The following POLD3 variants were observed in gnomAD, a reference collection of about 807,000 sequenced individuals.
POLD3 encodes the protein DNA polymerase delta subunit 3.
In POLD3, 19 loss-of-function variants were observed where a neutral mutation model predicts 58.2. The ratio of observed to expected loss-of-function variants is 0.33; its 90% CI spans 0.23 to 0.48. The LOEUF (loss-of-function observed/expected upper bound fraction) is 0.48, where lower values mean the gene tolerates loss of function less well. Among genes scored for constraint, POLD3 ranks in the 20% least tolerant of loss-of-function variants. The probability of loss-of-function intolerance (pLI) is 0.99; values close to 1 mark genes in which losing one functional copy is unlikely to be tolerated. For synonymous variants in POLD3, 172 were observed against 193.5 expected (o/e 0.89, Z 0.92); for missense variants, 504 against 545.5 (o/e 0.92, Z 0.76).
intron 10 of POLD3, 75 bp from the exon 11 acceptor site, chr11:74,636,122 A>C: frequency 7.3e-7 from 1 of 1,372,534 alleles, no homozygotes; most frequent in South Asian, 1.3e-5. Context: ...TGATTAGTAT[A>C]GATTTAAAAG....
At chr11:74,660,864 A>T (rs1001464811) in intron 4 of POLD3, among the ~76,000 whole-genome samples, 6 of 151,900 alleles carry the variant, frequency 3.9e-5, no homozygotes, top group African/African-American at 1.2e-4. Context: ...AGTCTCAGGT[A>T]GTTCTTTATA....
intron 6 of POLD3, 72 bp downstream of exon 6, chr11:74,618,876 G>T: frequency 4.8e-6 from 6 of 1,258,864 alleles, no homozygotes; most frequent in Non-Finnish European, 6.6e-6. Context: ...AATGGTTGCA[G>T]TGGTAGTAGT....
chr11:74,620,435 A>T (rs2032217133), intron 7 of POLD3, among the ~76,000 whole-genome samples: 1 of 152,184 alleles, frequency 6.6e-6, no homozygotes, highest in African/African-American at 2.4e-5. Context: ...TGAGGTTAAT[A>T]ACGTGGATGC....
intron 11 of POLD3, among the ~76,000 whole-genome samples, chr11:74,639,276 T>G (rs1016710217): frequency 6.6e-6 from 1 of 152,202 alleles, no homozygotes; most frequent in Non-Finnish European, 1.5e-5. Context: ...CAGTAAAGTT[T>G]GAGATGATAT....
chr11:74,625,906 T>TG (rs1565123222), intron 8 of POLD3, among the ~76,000 whole-genome samples: 1 of 151,518 alleles, frequency 6.6e-6, no homozygotes, highest in Non-Finnish European at 1.5e-5. Flanking sequence ...TGTGTGTGTG[T>TG]TTCACTTCAA....
At chr11:74,619,112 C>CA (rs1251914091) in intron 6 of POLD3, among the ~76,000 whole-genome samples, 1 of 152,024 alleles carries the variant, frequency 6.6e-6, no homozygotes, top group Non-Finnish European at 1.5e-5. Flanking sequence ...TGTTGACATT[C>CA]AAAAAAATGT....
intron 4 of POLD3, among the ~76,000 whole-genome samples, chr11:74,667,644 A>G (rs1264642280): frequency 5.3e-5 from 8 of 152,242 alleles, no homozygotes; most frequent in Non-Finnish European, 4.4e-5. Context: ...AGCTAAGACT[A>G]TAAAACTCTT....
rs148440281 is a variant in POLD3 at position 74,604,323 on chromosome 11, G to C, written c.117-369G>C. Among the ~76,000 whole-genome samples the C allele has an allele frequency of 2.1e-3, 315 of 152,302 alleles. 2 individuals are homozygous for C. The highest frequency in any genetic ancestry group is 7.3e-3 in the African/African-American group (302 of 41,548). ...ACGCCTTGGGATATTAAGAGGCCTA[G>C]ACAAATTAATTAACTTATCCAGAGC... On this transcript the variant is annotated intron_variant, in intron 2 of 11. Transcript: ENST00000263681.
intron 4 of POLD3, among the ~76,000 whole-genome samples, chr11:74,668,387 C>G (rs2135205030): frequency 6.6e-6 from 1 of 152,120 alleles, no homozygotes; most frequent in East Asian, 1.9e-4. Context: ...GAATACTGTC[C>G]AGCCCTAAAA....
chr11:74,599,808 G>T (rs1484641262), intron 2 of POLD3, among the ~76,000 whole-genome samples: 8 of 152,094 alleles, frequency 5.3e-5, no homozygotes, highest in Non-Finnish European at 1.2e-4. Flanking sequence ...AGAGAAAGCG[G>T]TATGGGCAAT....
At chr11:74,625,673 A>G (rs1261473639) in intron 8 of POLD3, 100 bp downstream of exon 8, 2 of 882,278 alleles carry the variant, frequency 2.3e-6, no homozygotes, top group African/African-American at 1.7e-5. Flanking sequence ...TAAGTACTAA[A>G]TCCTACTTAA....
intron 5 of POLD3, among the ~76,000 whole-genome samples, chr11:74,614,341 T>C (rs1565117610): frequency 6.6e-6 from 1 of 152,182 alleles, no homozygotes; most frequent in Non-Finnish European, 1.5e-5. Flanking sequence ...TCCAGGTGGA[T>C]ATGACAGTTT....
intron 5 of POLD3, among the ~76,000 whole-genome samples, chr11:74,616,801 C>T (rs1010252553): frequency 6.6e-6 from 1 of 151,750 alleles, no homozygotes; most frequent in African/African-American, 2.4e-5. Flanking sequence ...TTCATTAGGC[C>T]AGGTATTCTA....
intron 3 of POLD3, among the ~76,000 whole-genome samples, chr11:74,606,205 A>T (rs187639770): frequency 5.9e-5 from 9 of 152,358 alleles, no homozygotes; most frequent in Admixed American, 5.2e-4. Context: ...GATAACCAAG[A>T]TATTTGCAAG....
At chr11:74,661,247 G>A (rs956984707) in intron 4 of POLD3, among the ~76,000 whole-genome samples, 7 of 152,112 alleles carry the variant, frequency 4.6e-5, no homozygotes, top group Non-Finnish European at 7.4e-5. Context: ...TGGATGTCTT[G>A]ATGCTTGTGG....
chr11:74,629,241 T>G lies in POLD3; in HGVS notation c.924T>G (p.Asp308Glu), dbSNP rs372991106. ...KKRGKRVALS[D>E]DETKETENMR... is the part of the protein sequence containing the mutation. ...GGGGGAAGCGAGTAGCATTATCTGA[T>G]GATGAGACAAAGGAAACTGAAAACA... is the stretch of plus-strand genomic sequence containing the variant. The change falls in exon 9 of 12, where the codon GAT becomes GAG. Residue 308 changes from aspartate to glutamate, a missense_variant. By Grantham distance (45) the Asp-to-Glu change is conservative. This residue lies in a region of POLD3 where 385 missense variants were observed against 370.5 expected (regional missense o/e 1.04). Coordinates refer to ENST00000263681, the MANE Select transcript of POLD3 (RefSeq NM_006591.3). 2.5e-6 allele frequency: 4 copies of G among 1,604,954 alleles called. No individual in the cohort carries two copies. Among genetic ancestry groups the G allele is most frequent in the Non-Finnish European group, 3.4e-6 (4 of 1,174,496 alleles).
At chr11:74,598,775 G>C (rs1048981665) in intron 2 of POLD3, among the ~76,000 whole-genome samples, 51 of 152,068 alleles carry the variant, frequency 3.4e-4, no homozygotes, top group African/African-American at 1.1e-3. Flanking sequence ...GAAGCTCAGG[G>C]CTCCAAAAGC....
intron 4 of POLD3, among the ~76,000 whole-genome samples, chr11:74,663,627 G>T (rs575870354): frequency 6.6e-6 from 1 of 152,308 alleles, no homozygotes; most frequent in South Asian, 2.1e-4. Context: ...TTCAACAAAC[G>T]ATGCTGGAAC....
At chr11:74,622,056 T>G (rs1384524960) in intron 7 of POLD3, among the ~76,000 whole-genome samples, 2 of 146,310 alleles carry the variant, frequency 1.4e-5, no homozygotes, top group Non-Finnish European at 3.0e-5. Context: ...GAGTGTGATG[T>G]TCCCCTTCCT....
Sources: allele counts gnomAD v4.1 joint callset (sites outside exome capture counted in the v4.1 genomes callset), GRCh38; gene constraint gnomAD v4.1.1; regional missense constraint gnomAD v4.1.1; transcripts MANE v1.5; gene names NCBI Gene and HGNC (gene_info 2026-07-23, HGNC 2026-07-21).